The following DGKB variants were observed in gnomAD, a reference collection of about 807,000 sequenced individuals.
DGKB encodes the protein 90 kDa diacylglycerol kinase.
A neutral mutation model predicts 114.3 loss-of-function variants in DGKB; 67 were observed. That is an observed-to-expected ratio of 0.59 (90% CI 0.48 to 0.72). The LOEUF is 0.72. Ranked by LOEUF, DGKB falls within the 30% of genes least tolerant of loss-of-function variation. The pLI is 0.00. For missense variants in DGKB, 907 were observed against 975.2 expected (o/e 0.93, Z 0.93); for synonymous variants, 398 against 323.1 (o/e 1.23, Z -2.49).
intron 23 of DGKB, among the ~76,000 whole-genome samples, chr7:14,237,121 A>G (rs1207709808): frequency 6.6e-6 from 1 of 152,016 alleles, no homozygotes; most frequent in African/African-American, 2.4e-5. Flanking sequence ...GTCCAGCGTT[A>G]CACTTGCCTA....
chr7:14,427,723 C>T (rs1469991621), intron 21 of DGKB, among the ~76,000 whole-genome samples: 1 of 152,060 alleles, frequency 6.6e-6, no homozygotes, highest in Non-Finnish European at 1.5e-5. Context: ...TTTTTAAAAC[C>T]ATCAGATCTT....
chr7:14,418,256 T>TATATG lies in DGKB; in HGVS notation c.1835+59904_1835+59905insCATAT, dbSNP rs1195147190. Among the ~76,000 whole-genome samples the TATATG allele has an allele frequency of 1.4e-4, 11 of 79,556 alleles. No homozygotes were observed. In the East Asian group the frequency reaches 2.1e-3, roughly 15 times the overall value. 52.2% of individuals were successfully genotyped at this position (79,556 alleles called of 152,430 possible). On this transcript the variant is annotated intron_variant, in intron 21 of 25. Coordinates refer to ENST00000402815, the MANE Select transcript of DGKB (RefSeq NM_001350709.2). Reference sequence around the variant, plus strand: ...TATATTTTATATATGTGTGTATATATTATATATGTATATATATTTTATATA... The same window carrying TATATG: ...TATATTTTATATATGTGTGTATATATATATGTATATATGTATATATATTTTATATA...
intron 23 of DGKB, among the ~76,000 whole-genome samples, chr7:14,265,657 G>A (rs1340819292): frequency 6.6e-6 from 1 of 151,980 alleles, no homozygotes; most frequent in Non-Finnish European, 1.5e-5. Context: ...ATAACTACCT[G>A]TTCATATCTG....
intron 1 of DGKB, among the ~76,000 whole-genome samples, chr7:14,884,624 A>T (rs1854740571): frequency 6.6e-6 from 1 of 151,964 alleles, no homozygotes; most frequent in Non-Finnish European, 1.5e-5. Context: ...TGACAAAAAC[A>T]TCCCTGAAAC....
chr7:14,763,339 T>G (rs962438801), intron 2 of DGKB, among the ~76,000 whole-genome samples: 2 of 152,110 alleles, frequency 1.3e-5, no homozygotes, highest in African/African-American at 2.4e-5. Flanking sequence ...CATTTGTGCA[T>G]TGGGCACTAG....
At chr7:14,701,583 A>G (rs1585787661) in intron 7 of DGKB, 98 bp downstream of exon 7, 1 of 839,866 alleles carries the variant, frequency 1.2e-6, no homozygotes, top group Middle Eastern at 2.6e-4. Flanking sequence ...AAATTACATT[A>G]AGTGTGCCTT....
chr7:14,444,345 A>C (rs943416925), intron 21 of DGKB, among the ~76,000 whole-genome samples: 1 of 151,714 alleles, frequency 6.6e-6, no homozygotes, highest in African/African-American at 2.4e-5. Flanking sequence ...TGTATATATG[A>C]GTTTTTTTCT....
chr7:14,953,174 A>C (rs1786304226), intron 1 of DGKB, among the ~76,000 whole-genome samples: 1 of 152,068 alleles, frequency 6.6e-6, no homozygotes, highest in Non-Finnish European at 1.5e-5. Flanking sequence ...TACTTTACTA[A>C]AACATAAGCA....
intron 6 of DGKB, among the ~76,000 whole-genome samples, chr7:14,705,841 G>A (rs1026799137): frequency 5.9e-5 from 9 of 151,990 alleles, no homozygotes; most frequent in Non-Finnish European, 1.3e-4. Flanking sequence ...GGAACAACCA[G>A]TACCAGCCAC....
chr7:14,461,240 T>C (rs1353844724), intron 21 of DGKB, among the ~76,000 whole-genome samples: 2 of 150,136 alleles, frequency 1.3e-5, no homozygotes, highest in East Asian at 2.0e-4. Context: ...AGACAAGAAA[T>C]AGCTAAGATG....
chr7:14,352,602 A>C (rs1303175041), intron 21 of DGKB, among the ~76,000 whole-genome samples: 1 of 152,188 alleles, frequency 6.6e-6, no homozygotes, highest in African/African-American at 2.4e-5. Flanking sequence ...ACAATAACCA[A>C]TCATGTTAAG....
chr7:14,911,561 C>T (rs369896641), intron 1 of DGKB, among the ~76,000 whole-genome samples: 1 of 152,116 alleles, frequency 6.6e-6, no homozygotes, highest in South Asian at 2.1e-4. Flanking sequence ...TTATTAACTA[C>T]TCAAGTGTAA....
At chr7:14,722,564 A>G (rs1032362671) in intron 5 of DGKB, among the ~76,000 whole-genome samples, 1 of 152,158 alleles carries the variant, frequency 6.6e-6, no homozygotes, top group African/African-American at 2.4e-5. Flanking sequence ...CTGCAATCCC[A>G]GCACTTTGGG....
intron 20 of DGKB, among the ~76,000 whole-genome samples, chr7:14,541,902 C>T (rs1466421398): frequency 6.6e-6 from 1 of 152,152 alleles, no homozygotes; most frequent in Non-Finnish European, 1.5e-5. Context: ...GTTCTCAGCA[C>T]ATTTAGATTT....
intron 23 of DGKB, among the ~76,000 whole-genome samples, chr7:14,230,081 T>C (rs1791475931): frequency 6.6e-6 from 1 of 151,980 alleles, no homozygotes; most frequent in African/African-American, 2.4e-5. Context: ...TGTTACTTCC[T>C]ATGGGCTCAT....
At chr7:14,150,183 T>A (rs1222269463) in intron 25 of DGKB, among the ~76,000 whole-genome samples, 3 of 152,106 alleles carry the variant, frequency 2.0e-5, no homozygotes, top group African/African-American at 7.2e-5. Context: ...TCTGAGACAT[T>A]TTCTTTAGCG....
intron 14 of DGKB, among the ~76,000 whole-genome samples, chr7:14,627,950 CAA>C (rs56827397): frequency 4.3e-5 from 4 of 93,572 alleles, no homozygotes; most frequent in East Asian, 2.5e-4. Context: ...CTCAAAAAAA[CAA>C]AAAAAAAAAA....
At chr7:14,607,099 G>C (rs184932612) in intron 17 of DGKB, among the ~76,000 whole-genome samples, 1 of 151,838 alleles carries the variant, frequency 6.6e-6, no homozygotes, top group East Asian at 1.9e-4. Flanking sequence ...CAATAAAAGA[G>C]AATCGTTCTT....
At chr7:14,783,508 C>A (rs752130292) in intron 2 of DGKB, among the ~76,000 whole-genome samples, 1 of 152,186 alleles carries the variant, frequency 6.6e-6, no homozygotes, top group East Asian at 1.9e-4. Context: ...CTTATTGAAG[C>A]CATTTCATCC....
Sources: allele counts gnomAD v4.1 joint callset (sites outside exome capture counted in the v4.1 genomes callset), GRCh38; gene constraint gnomAD v4.1.1; transcripts MANE v1.5; gene names NCBI Gene and HGNC (gene_info 2026-07-23, HGNC 2026-07-21).